Variants in KCNJ6 observed in about 807,000 individuals in gnomAD.
KCNJ6 encodes the protein potassium inwardly rectifying channel subfamily J member 6, also known as G protein-activated inward rectifier potassium channel 2.
A neutral mutation model predicts 34.2 loss-of-function variants in KCNJ6; 9 were observed. The ratio of observed to expected loss-of-function variants is 0.26; its 90% CI spans 0.16 to 0.46. The LOEUF is 0.46. Among genes scored for constraint, KCNJ6 ranks in the 20% least tolerant of loss-of-function variants. The probability of loss-of-function intolerance (pLI) is 1.00; values close to 1 mark genes in which losing one functional copy is unlikely to be tolerated. For missense variants in KCNJ6, 236 were observed against 531.3 expected (o/e 0.44, Z 5.46); for synonymous variants, 196 against 207.1 (o/e 0.95, Z 0.46).
Position 37,715,020 on chromosome 21 carries a change from C to T in KCNJ6, c.137G>A (p.Arg46Gln), listed in dbSNP as rs546019911. 1.2e-5 allele frequency: 20 copies of T among 1,614,088 alleles called. No individual in the cohort carries two copies. Among genetic ancestry groups the T allele is most frequent in the Middle Eastern group, 1.6e-4 (1 of 6,084 alleles). ...ARDDLPRHIS[R>Q]DRTKRKIQRY... ...CTGGATTTTCCTTTTGGTCCGATCT[C>T]GGCTGATGTGTCTTGGCAGGTCATC... The change falls in exon 3 of 4, where the codon CGA becomes CAA. Residue 46 changes from arginine to glutamine, a missense_variant. This residue lies in a region of KCNJ6 where 64 missense variants were observed against 68.9 expected (regional missense o/e 0.93). Coordinates refer to ENST00000609713, the MANE Select transcript of KCNJ6 (RefSeq NM_002240.5).
chr21:37,648,591 C>T (rs1345449301), intron 3 of KCNJ6, among the ~76,000 whole-genome samples: 1 of 152,128 alleles, frequency 6.6e-6, no homozygotes, highest in Non-Finnish European at 1.5e-5. Flanking sequence ...CCAATAGGTG[C>T]ATTTTCTCCT....
chr21:37,707,341 T>C (rs1445999980), intron 3 of KCNJ6, among the ~76,000 whole-genome samples: 1 of 152,232 alleles, frequency 6.6e-6, no homozygotes, highest in African/African-American at 2.4e-5. Context: ...AGCTTTACTC[T>C]TTCTTGTTTT....
At chr21:37,710,321 T>C (rs2054744848) in intron 3 of KCNJ6, among the ~76,000 whole-genome samples, 1 of 152,204 alleles carries the variant, frequency 6.6e-6, no homozygotes, top group Non-Finnish European at 1.5e-5. Flanking sequence ...TAGGGGCACA[T>C]ACCGAAATAT....
At chr21:37,747,850 C>T (rs190901710) in intron 2 of KCNJ6, among the ~76,000 whole-genome samples, 3 of 152,286 alleles carry the variant, frequency 2.0e-5, no homozygotes, top group East Asian at 1.9e-4. Context: ...ACTTCTAACC[C>T]GCAGACTTGC....
At chr21:37,828,081 G>A (rs1017159870) in intron 2 of KCNJ6, among the ~76,000 whole-genome samples, 12 of 152,294 alleles carry the variant, frequency 7.9e-5, no homozygotes, top group Admixed American at 3.9e-4. Flanking sequence ...TGGACGGCAG[G>A]GATGTTGTGC....
chr21:37,884,423 C>A (rs2055725059), intron 1 of KCNJ6, among the ~76,000 whole-genome samples: 1 of 152,128 alleles, frequency 6.6e-6, no homozygotes, highest in Non-Finnish European at 1.5e-5. Flanking sequence ...CAGCTTCCTG[C>A]CTCCTTTCTG....
At chr21:37,671,012 G>A (rs973823621) in intron 3 of KCNJ6, among the ~76,000 whole-genome samples, 10 of 152,078 alleles carry the variant, frequency 6.6e-5, no homozygotes. Context: ...TTGTGATATT[G>A]TGAAATATAT....
At chr21:37,859,884 C>T (rs1175782542) in intron 1 of KCNJ6, among the ~76,000 whole-genome samples, 2 of 152,156 alleles carry the variant, frequency 1.3e-5, no homozygotes, top group East Asian at 1.9e-4. Context: ...TGCATTTCAA[C>T]TCCTCTGAAT....
chr21:37,638,624 G>T (rs1054779635), intron 3 of KCNJ6, among the ~76,000 whole-genome samples: 1 of 151,988 alleles, frequency 6.6e-6, no homozygotes, highest in Non-Finnish European at 1.5e-5. Flanking sequence ...TCCACCCTCC[G>T]CTAGCTTTCC....
intron 1 of KCNJ6, among the ~76,000 whole-genome samples, chr21:37,859,262 G>A (rs2055580540): frequency 1.3e-5 from 2 of 151,650 alleles, no homozygotes; most frequent in South Asian, 4.2e-4. Context: ...ATATGGTAGT[G>A]TTCCACTTAT....
intron 1 of KCNJ6, among the ~76,000 whole-genome samples, chr21:37,849,000 G>A (rs2055524187): frequency 6.6e-6 from 1 of 152,100 alleles, no homozygotes; most frequent in African/African-American, 2.4e-5. Context: ...TAGAGCTCCT[G>A]GAAATATTGT....
intron 3 of KCNJ6, among the ~76,000 whole-genome samples, chr21:37,660,286 G>A (rs1332609927): frequency 6.6e-6 from 1 of 152,214 alleles, no homozygotes. Context: ...CTGCCACAGG[G>A]TGCAAGGCCC....
chr21:37,816,772 A>T (rs1311771521), intron 2 of KCNJ6, among the ~76,000 whole-genome samples: 8 of 152,174 alleles, frequency 5.3e-5, no homozygotes. Flanking sequence ...GTGATTGTGC[A>T]GTTGGTCCTA....
intron 1 of KCNJ6, among the ~76,000 whole-genome samples, chr21:37,888,718 C>T (rs189051381): frequency 1.4e-4 from 22 of 152,260 alleles, no homozygotes; most frequent in East Asian, 5.8e-4. Flanking sequence ...GATCACAACG[C>T]AGAAGAGATC....
chr21:37,806,617 G>C (rs531992424), intron 2 of KCNJ6, among the ~76,000 whole-genome samples: 22 of 152,234 alleles, frequency 1.4e-4, no homozygotes, highest in Admixed American at 1.4e-3. Context: ...AAGTGATCAG[G>C]ATCTACTTAC....
At chr21:37,900,236 G>C (rs747363935) in intron 1 of KCNJ6, among the ~76,000 whole-genome samples, 1 of 152,124 alleles carries the variant, frequency 6.6e-6, no homozygotes, top group Non-Finnish European at 1.5e-5. Context: ...ACAGTGTGTG[G>C]GAGATGCTTA....
intron 2 of KCNJ6, among the ~76,000 whole-genome samples, chr21:37,772,181 A>C (rs2055120695): frequency 6.6e-6 from 1 of 152,204 alleles, no homozygotes; most frequent in Admixed American, 6.5e-5. Flanking sequence ...AAAATTAAAG[A>C]GTGCCCCAAA....
chr21:37,665,693 A>C (rs571759998), intron 3 of KCNJ6, among the ~76,000 whole-genome samples: 1 of 152,350 alleles, frequency 6.6e-6, no homozygotes, highest in Admixed American at 6.5e-5. Context: ...AGGTCGACCA[A>C]GTGTCTGCTC....
At chr21:37,684,069 G>A (rs1177979336) in intron 3 of KCNJ6, among the ~76,000 whole-genome samples, 2 of 152,240 alleles carry the variant, frequency 1.3e-5, no homozygotes, top group Non-Finnish European at 2.9e-5. Context: ...TATAATTGTT[G>A]TCTGAGTCTC....
Sources: gnomAD v4.1 joint callset for allele counts (sites outside exome capture counted in the v4.1 genomes callset) on GRCh38, gnomAD v4.1.1 for gene constraint, gnomAD v4.1.1 regional missense constraint, MANE v1.5 for transcripts, NCBI Gene and HGNC (gene_info 2026-07-23, HGNC 2026-07-21) for gene names.